Variants in LRRC3B observed in about 807,000 individuals in gnomAD.
LRRC3B encodes leucine-rich repeat-containing protein 3B.
In LRRC3B, 2 loss-of-function variants were observed where a neutral mutation model predicts 12.8. That is an observed-to-expected ratio of 0.16 (90% CI 0.06 to 0.49). LRRC3B has a LOEUF of 0.49. Among genes scored for constraint, LRRC3B ranks in the 20% least tolerant of loss-of-function variants. The pLI is 0.96. For missense variants in LRRC3B, 189 were observed against 319.4 expected (o/e 0.59, Z 3.11); for synonymous variants, 132 against 122.0 (o/e 1.08, Z -0.54).
chr3:26,629,916 A>C (rs888547094), intron 1 of LRRC3B, among the ~76,000 whole-genome samples: 2 of 151,074 alleles, frequency 1.3e-5, no homozygotes, highest in African/African-American at 4.9e-5. Context: ...AGACAACAGC[A>C]GAGAAAGGTG....
At chr3:26,701,465 C>T (rs1207397799) in intron 1 of LRRC3B, among the ~76,000 whole-genome samples, 1 of 152,120 alleles carries the variant, frequency 6.6e-6, no homozygotes, top group Non-Finnish European at 1.5e-5. Flanking sequence ...ATCTACCCTA[C>T]AGTTTTGTGT....
intron 1 of LRRC3B, among the ~76,000 whole-genome samples, chr3:26,685,525 A>C (rs1580592): frequency 0.21 from 4,605 of 21,802 alleles, 61 homozygotes; most frequent in Non-Finnish European, 0.26. Flanking sequence ...CTCTCTCTCT[A>C]TATATATATA....
intron 1 of LRRC3B, among the ~76,000 whole-genome samples, chr3:26,636,591 G>A (rs1698876868): frequency 6.6e-6 from 1 of 151,962 alleles, no homozygotes; most frequent in African/African-American, 2.4e-5. Flanking sequence ...ATTAAATTGT[G>A]GGCTAAATCT....
chr3:26,685,796 G>C (rs994586135), intron 1 of LRRC3B, among the ~76,000 whole-genome samples: 6 of 151,754 alleles, frequency 4.0e-5, no homozygotes, highest in African/African-American at 1.5e-4. Context: ...CCTCCTTTCA[G>C]ACTTGGGGTT....
At chr3:26,644,475 C>A (rs114404685) in intron 1 of LRRC3B, among the ~76,000 whole-genome samples, 151 of 152,176 alleles carry the variant, frequency 9.9e-4, no homozygotes, top group African/African-American at 3.4e-3. Context: ...TTAGGGGGAA[C>A]AATCAGACAC....
intron 1 of LRRC3B, among the ~76,000 whole-genome samples, chr3:26,666,608 G>T (rs1470324659): frequency 1.3e-5 from 2 of 151,906 alleles, no homozygotes; most frequent in Non-Finnish European, 2.9e-5. Context: ...ATATAGAACA[G>T]GGAGTTCCTA....
intron 1 of LRRC3B, among the ~76,000 whole-genome samples, chr3:26,707,694 C>T (rs1348061038): frequency 2.0e-5 from 3 of 152,186 alleles, no homozygotes; most frequent in East Asian, 3.8e-4. Flanking sequence ...CTTCCATCTC[C>T]TGTGTTTTTC....
intron 1 of LRRC3B, among the ~76,000 whole-genome samples, chr3:26,644,249 C>A (rs542686255): frequency 6.6e-6 from 1 of 152,282 alleles, no homozygotes; most frequent in East Asian, 1.9e-4. Flanking sequence ...ATGTGGGAAG[C>A]ACTAACTTAA....
chr3:26,688,410 C>A (rs985018693), intron 1 of LRRC3B, among the ~76,000 whole-genome samples: 1 of 152,184 alleles, frequency 6.6e-6, no homozygotes, highest in Admixed American at 6.5e-5. Flanking sequence ...TTAGCCTATT[C>A]CTAGATTTCT....
chr3:26,698,841 A>C (rs1341901640), intron 1 of LRRC3B, among the ~76,000 whole-genome samples: 1 of 152,118 alleles, frequency 6.6e-6, no homozygotes. Context: ...TATCAGCATA[A>C]ATTTTAAGAA....
intron 1 of LRRC3B, among the ~76,000 whole-genome samples, chr3:26,659,819 T>G (rs1006734699): frequency 6.6e-6 from 1 of 152,206 alleles, no homozygotes; most frequent in African/African-American, 2.4e-5. Flanking sequence ...AATTATCCCC[T>G]GTAGAGTCTT....
chr3:26,705,790 G>A (rs1293035365), intron 1 of LRRC3B, among the ~76,000 whole-genome samples: 1 of 152,024 alleles, frequency 6.6e-6, no homozygotes, highest in Admixed American at 6.6e-5. Context: ...TTTCTCTGAG[G>A]CACATGTCCT....
intron 1 of LRRC3B, among the ~76,000 whole-genome samples, chr3:26,639,105 G>C (rs1391876988): frequency 1.3e-5 from 2 of 152,110 alleles, no homozygotes; most frequent in Non-Finnish European, 2.9e-5. Flanking sequence ...ATATAGTCTT[G>C]AATAGAGCTG....
intron 1 of LRRC3B, among the ~76,000 whole-genome samples, chr3:26,641,095 T>C (rs927449954): frequency 1.3e-5 from 2 of 152,222 alleles, no homozygotes; most frequent in African/African-American, 4.8e-5. Flanking sequence ...AAGAAATCTA[T>C]GGCAGGTATT....
At chr3:26,659,001 T>C (rs1230583379) in intron 1 of LRRC3B, among the ~76,000 whole-genome samples, 1 of 152,162 alleles carries the variant, frequency 6.6e-6, no homozygotes, top group Non-Finnish European at 1.5e-5. Flanking sequence ...GCACAATGCA[T>C]TGGGAGTTTC....
chr3:26,709,852 A>C, exon 2 of LRRC3B: 1 of 1,614,130 alleles, frequency 6.2e-7, no homozygotes, highest in Non-Finnish European at 8.5e-7. Flanking sequence ...AAATACCTAG[A>C]GATCTTCCTC....
intron 1 of LRRC3B, among the ~76,000 whole-genome samples, chr3:26,664,492 A>T (rs1447063798): frequency 6.6e-6 from 1 of 152,138 alleles, no homozygotes; most frequent in Non-Finnish European, 1.5e-5. Flanking sequence ...ATGCCAGATC[A>T]CCAGACTGTA....
At chr3:26,674,298 GT>G (rs1269861788) in intron 1 of LRRC3B, among the ~76,000 whole-genome samples, 1 of 152,264 alleles carries the variant, frequency 6.6e-6, no homozygotes, top group Non-Finnish European at 1.5e-5. Flanking sequence ...TTGTCGTGCT[GT>G]CATAGGACAG....
chr3:26,630,656 A>G (rs757957745), intron 1 of LRRC3B, among the ~76,000 whole-genome samples: 1 of 152,206 alleles, frequency 6.6e-6, no homozygotes, highest in Non-Finnish European at 1.5e-5. Context: ...GCCTGTGTTC[A>G]AATGGGAATG....
Sources: gnomAD v4.1 joint callset for allele counts (sites outside exome capture counted in the v4.1 genomes callset) on GRCh38, gnomAD v4.1.1 for gene constraint, MANE v1.5 for transcripts, NCBI Gene and HGNC (gene_info 2026-07-23, HGNC 2026-07-21) for gene names.